The following DPP10 variants were observed in gnomAD, a reference collection of about 807,000 sequenced individuals.
The protein encoded by DPP10 is inactive dipeptidyl peptidase 10.
In DPP10, 33 loss-of-function variants were observed where a neutral mutation model predicts 120.9. The observed-to-expected ratio is 0.27, with a 90% CI of 0.21 to 0.37. The LOEUF (loss-of-function observed/expected upper bound fraction) is 0.37. Among genes scored for constraint, DPP10 ranks in the 10% least tolerant of loss-of-function variants. DPP10 has a pLI of 1.00. For missense variants in DPP10, 816 were observed against 942.8 expected, an observed-to-expected ratio of 0.87 and a Z score of 1.76; for synonymous variants, 337 against 326.1, an observed-to-expected ratio of 1.03 and a Z score of -0.36.
intron 1 of DPP10, among the ~76,000 whole-genome samples, chr2:114,743,687 G>T (rs1341573894): frequency 2.6e-5 from 4 of 152,156 alleles, no homozygotes; most frequent in African/African-American, 9.7e-5. Flanking sequence ...ATAAAATAAA[G>T]ATTGTATAAT....
chr2:114,900,609 G>A (rs892349865), intron 1 of DPP10, among the ~76,000 whole-genome samples: 9 of 152,030 alleles, frequency 5.9e-5, no homozygotes, highest in Admixed American at 2.0e-4. Context: ...GTTCATTTAC[G>A]TGTTGCAAAT....
At chr2:115,769,698 T>A (rs1226184068) in intron 13 of DPP10, among the ~76,000 whole-genome samples, 1 of 151,968 alleles carries the variant, frequency 6.6e-6, no homozygotes, top group African/African-American at 2.4e-5. Flanking sequence ...AAATTTTGGA[T>A]GTTTTTATAT....
At chr2:114,826,348 T>C (rs1038454735) in intron 1 of DPP10, among the ~76,000 whole-genome samples, 2 of 152,162 alleles carry the variant, frequency 1.3e-5, no homozygotes, top group East Asian at 3.8e-4. Flanking sequence ...TCTCAAAATA[T>C]GTAAAAGTAT....
At chr2:115,605,968 T>A (rs918191632) in intron 5 of DPP10, among the ~76,000 whole-genome samples, 6 of 152,172 alleles carry the variant, frequency 3.9e-5, no homozygotes, top group Admixed American at 1.3e-4. Context: ...ATATTTTATG[T>A]ATCACTAGAT....
intron 1 of DPP10, among the ~76,000 whole-genome samples, chr2:114,699,932 C>T (rs866133029): frequency 5.9e-5 from 9 of 152,004 alleles, no homozygotes; most frequent in East Asian, 3.9e-4. Flanking sequence ...AAGTCAAATT[C>T]GGGTTTGTTG....
At chr2:114,652,249 T>C (rs1000871529) in intron 1 of DPP10, among the ~76,000 whole-genome samples, 2 of 152,226 alleles carry the variant, frequency 1.3e-5, no homozygotes, top group Non-Finnish European at 2.9e-5. Flanking sequence ...CATCCAGTTT[T>C]GATAAGTCTG....
At chr2:114,474,534 AG>A (rs1680212882) in intron 1 of DPP10, among the ~76,000 whole-genome samples, 1 of 152,170 alleles carries the variant, frequency 6.6e-6, no homozygotes. Flanking sequence ...GAGTAAATAC[AG>A]GGCTCTGTGC....
intron 7 of DPP10, among the ~76,000 whole-genome samples, chr2:115,716,349 C>T (rs1006544565): frequency 2.0e-5 from 3 of 152,106 alleles, no homozygotes; most frequent in Admixed American, 6.5e-5. Flanking sequence ...GTTATTAGGG[C>T]ATATTGTGAT....
At chr2:115,144,805 T>G (rs1210182562) in intron 1 of DPP10, 1 of 151,716 alleles carries the variant, frequency 6.6e-6, no homozygotes, top group Admixed American at 6.6e-5. Context: ...CCCTAAAACT[T>G]AAAGTATAAT....
chr2:115,162,004 G>A, intron 1 of DPP10: 1 of 1,385,972 alleles, frequency 7.2e-7, no homozygotes. Context: ...GGGCCAGGGC[G>A]AGCCAGGCGC....
At chr2:115,115,548 C>A (rs1037375268) in intron 1 of DPP10, among the ~76,000 whole-genome samples, 1 of 152,164 alleles carries the variant, frequency 6.6e-6, no homozygotes, top group Non-Finnish European at 1.5e-5. Flanking sequence ...ATCTAATTAT[C>A]CCTTATCTCA....
intron 3 of DPP10, among the ~76,000 whole-genome samples, chr2:115,495,107 C>T (rs2076323064): frequency 6.6e-6 from 1 of 151,960 alleles, no homozygotes; most frequent in Non-Finnish European, 1.5e-5. Context: ...GAAAAGACAA[C>T]ATTTTACAAG....
chr2:115,459,288 C>G (rs937948032), intron 3 of DPP10, among the ~76,000 whole-genome samples: 2 of 152,084 alleles, frequency 1.3e-5, no homozygotes, highest in Non-Finnish European at 1.5e-5. Context: ...TCCCAAGTAG[C>G]TGGAATTACA....
At position 114,944,381 on chromosome 2, in the gene DPP10, C is replaced by G. The variant is rs2104595072; in HGVS notation, c.61-364858C>G. ...GGAGAAAAATGGTGCATTTCATAAG[C>G]ATTTCTTTTCTCTGATACTAGTGAA... On this transcript the variant is annotated intron_variant, in intron 1 of 25. Coordinates refer to ENST00000410059, the MANE Select transcript of DPP10 (RefSeq NM_020868.6). Among the ~76,000 whole-genome samples the G allele has an allele frequency of 2.6e-5, 4 of 152,166 alleles. No homozygotes were observed. The South Asian group carries it at 8.3e-4, about 32-fold the overall frequency.
chr2:115,139,724 TAAAAAAAAAAAAAAAAAA>T (rs55826687), intron 1 of DPP10, among the ~76,000 whole-genome samples: 1 of 56,620 alleles, frequency 1.8e-5, no homozygotes, highest in African/African-American at 7.2e-5. Flanking sequence ...GTAAAAATAC[TAAAAAAAAAAAAAAAAAA>T]AAAAAAAAAA....
chr2:115,492,945 T>C lies in DPP10; in HGVS notation c.272-6565T>C, dbSNP rs148447338. ...AATGCTTTGAAAAAAGTGAAAAGTT[T>C]GGACAAGATCTGGTGTATTTATTAG... On this transcript the variant is annotated intron_variant, in intron 3 of 25. Coordinates refer to ENST00000410059, the MANE Select transcript of DPP10 (RefSeq NM_020868.6). 3.8e-3 allele frequency among the ~76,000 whole-genome samples: 585 copies of C among 152,294 alleles called. 8 individuals carry two copies. The highest frequency in any genetic ancestry group is 0.013 in the African/African-American group (556 of 41,586).
At chr2:115,325,510 G>A (rs370410867) in intron 2 of DPP10, among the ~76,000 whole-genome samples, 4 of 152,062 alleles carry the variant, frequency 2.6e-5, no homozygotes, top group Admixed American at 6.6e-5. Flanking sequence ...AATAAAGTAC[G>A]TTCAGTAGAA....
At chr2:114,684,275 G>A (rs948835853) in intron 1 of DPP10, among the ~76,000 whole-genome samples, 2 of 151,822 alleles carry the variant, frequency 1.3e-5, no homozygotes, top group African/African-American at 2.4e-5. Flanking sequence ...TTTACCTCCC[G>A]GCCACTCTAT....
At chr2:114,885,482 C>G (rs1691995501) in intron 1 of DPP10, among the ~76,000 whole-genome samples, 1 of 152,168 alleles carries the variant, frequency 6.6e-6, no homozygotes, top group African/African-American at 2.4e-5. Flanking sequence ...ACCCTTCATG[C>G]TTATGCTTTC....
Sources: allele counts gnomAD v4.1 joint callset (sites outside exome capture counted in the v4.1 genomes callset), GRCh38; gene constraint gnomAD v4.1.1; transcripts MANE v1.5; gene names NCBI Gene and HGNC (gene_info 2026-07-23, HGNC 2026-07-21).